CYB5R1: variants seen among roughly 807,000 people sequenced by gnomAD.
CYB5R1 encodes cytochrome b5 reductase 1, also known as NADH-cytochrome b5 reductase 1.
CYB5R1 carries 32 observed loss-of-function variants against 37.4 expected under a neutral mutation model. That is an observed-to-expected ratio of 0.86 (90% CI 0.65 to 1.15). The LOEUF (loss-of-function observed/expected upper bound fraction) is 1.15. Ranked by LOEUF, CYB5R1 falls within the 50% of genes most tolerant of loss-of-function variation. CYB5R1 has a pLI of 0.00. For synonymous variants in CYB5R1, 159 were observed against 155.2 expected, an observed-to-expected ratio of 1.02 and a Z score of -0.18; for missense variants, 345 against 382.5, an observed-to-expected ratio of 0.90 and a Z score of 0.82.
At chr1:202,965,633 C>CAT in intron 4 of CYB5R1, 133 bp from the exon 5 acceptor site, 1 of 805,632 alleles carries the variant, frequency 1.2e-6, no homozygotes, top group African/African-American at 2.1e-5. Flanking sequence ...TACTTTCTTT[C>CAT]TTTCTTTTTT....
Position 202,967,028 on chromosome 1 carries a change from G to A in CYB5R1, c.16-130C>T. ...GCCAAGGGCAGAGGGGTAACCTGGC[G>A]GAGTCCCGAGCCCGGATGTGCGGGA... is the stretch of plus-strand genomic sequence containing the variant. On this transcript the variant is annotated intron_variant, in intron 1 of 8. Coordinates refer to ENST00000367249, the MANE Select transcript of CYB5R1 (RefSeq NM_016243.3). The A allele has an allele frequency of 7.0e-6, 10 of 1,427,874 alleles. No individual in the cohort carries two copies. The Middle Eastern group carries it at 9.9e-4, about 141-fold the overall frequency. The allele number at this position is 1,427,874 out of a possible 1,614,324, so 88.5% of individuals were successfully genotyped here.
rs1381205594 is a variant in CYB5R1, at chr1:202,965,366, A to T, written c.475+5T>A. The T allele has an allele frequency of 6.3e-7, 1 of 1,578,270 alleles. No homozygotes were observed. The highest frequency in any genetic ancestry group is 2.3e-5 in the East Asian group (1 of 43,780). ...GACAGGCTCAAGGAGAAGACAGGTC[A>T]TTACCTTTTCCAGTGTAAGTGAGCA... On this transcript the variant is annotated splice_donor_5th_base_variant and intron_variant, in intron 5 of 8. Coordinates refer to ENST00000367249, the MANE Select transcript of CYB5R1 (RefSeq NM_016243.3).
intron 4 of CYB5R1, 76 bp from the exon 5 acceptor site, chr1:202,965,576 G>A: frequency 6.9e-7 from 1 of 1,443,268 alleles, no homozygotes; most frequent in South Asian, 1.4e-5. Context: ...AAACCTCCCT[G>A]AGGCTGGGGC....
chr1:202,965,553 C>A (rs1432340576), intron 4 of CYB5R1, 53 bp from the exon 5 acceptor site: 8 of 1,537,088 alleles, frequency 5.2e-6, no homozygotes, highest in Non-Finnish European at 6.1e-6. Context: ...GGTTTCTGAG[C>A]CCCATGTTGA....
chr1:202,967,213 C>G lies in CYB5R1; in HGVS notation c.-8G>C, dbSNP rs754935900. The G allele has an allele frequency of 1.2e-6, 2 of 1,609,626 alleles. No individual in the cohort carries two copies. The highest frequency in any genetic ancestry group is 1.7e-6 in the Non-Finnish European group (2 of 1,178,102). ...TACCGTCTGGATCCCCATGACGGAGCGCCTTTTCCTCCACCACCTGACAAG... is the reference window on the plus strand; with the variant it reads ...TACCGTCTGGATCCCCATGACGGAGGGCCTTTTCCTCCACCACCTGACAAG... On this transcript the variant is annotated 5_prime_UTR_variant, in exon 1 of 9. Coordinates refer to ENST00000367249, the MANE Select transcript of CYB5R1 (RefSeq NM_016243.3).
At position 202,963,737 on chromosome 1, in the gene CYB5R1, G is replaced by A. The variant is rs1655038214; in HGVS notation, c.560-10C>T. 6.3e-7 allele frequency: 1 copy of A among 1,594,772 alleles called. No homozygotes were observed. Among genetic ancestry groups the A allele is most frequent in the Non-Finnish European group, 8.6e-7 (1 of 1,167,982 alleles). On this transcript the variant is annotated splice_polypyrimidine_tract_variant and intron_variant, in intron 6 of 8. Transcript: ENST00000367249. ...AGCATTGGGGTGATTCCTGCATGAA[G>A]ATACCCCACAGTGAAATGTAGTGGC...
chr1:202,966,668 A>G (rs189896489), intron 2 of CYB5R1, 68 bp from the exon 3 acceptor site: 1 of 1,613,490 alleles, frequency 6.2e-7, no homozygotes. Context: ...TGGACATCCC[A>G]ACCACCGTGG....
rs879136097 is a variant in CYB5R1 at position 202,966,464 on chromosome 1, T to A, written c.238+64A>T. On this transcript the variant is annotated intron_variant, in intron 3 of 8. Coordinates refer to ENST00000367249, the MANE Select transcript of CYB5R1 (RefSeq NM_016243.3). ...GGTTGAAGCAGCGTGTTTCATGAGATCCCAGGAGGGGAGTCACCTTCTGAG... is the reference window on the plus strand; with the variant it reads ...GGTTGAAGCAGCGTGTTTCATGAGAACCCAGGAGGGGAGTCACCTTCTGAG... The A allele has an allele frequency of 9.6e-6, 15 of 1,560,702 alleles. No homozygotes were observed. In the South Asian group the frequency reaches 1.6e-4, roughly 16 times the overall value.
Position 202,967,087 on chromosome 1 carries a change from C to T in CYB5R1, c.15+104G>A, listed in dbSNP as rs533730101. 2.2e-4 allele frequency: 333 copies of T among 1,492,964 alleles called. 1 individual carries two copies. The South Asian group carries it at 3.7e-3, about 17-fold the overall frequency. The allele number at this position is 1,492,964 out of a possible 1,614,324, so 92.5% of individuals were successfully genotyped here. The stretch of plus-strand genomic sequence containing the variant: ...CCAGCATCCACGGTGGGCCCAGAGC[C>T]CTGCGGGGCGGGGTCGGCAGCGACA... On this transcript the variant is annotated intron_variant, in intron 1 of 8. Coordinates refer to ENST00000367249, the MANE Select transcript of CYB5R1 (RefSeq NM_016243.3).
At position 202,967,210 on chromosome 1, in the gene CYB5R1, G is replaced by C. The variant is rs1360184360; in HGVS notation, c.-5C>G. On this transcript the variant is annotated 5_prime_UTR_variant, in exon 1 of 9. Coordinates refer to ENST00000367249, the MANE Select transcript of CYB5R1 (RefSeq NM_016243.3). ...TCTTACCGTCTGGATCCCCATGACG[G>C]AGCGCCTTTTCCTCCACCACCTGAC... 6.2e-7 allele frequency: 1 copy of C among 1,610,998 alleles called. No homozygotes were observed. Among genetic ancestry groups the C allele is most frequent in the African/African-American group, 1.3e-5 (1 of 74,672 alleles).
In CYB5R1 at chr1:202,963,185, G is replaced by A; in HGVS notation, c.646-20C>T. On this transcript the variant is annotated intron_variant, in intron 7 of 8. Transcript: ENST00000367249. ...TTCTGTCTGAAATGCAAAGGGGAAG[G>A]AAAGTCTTTAGGAGTCTTCTCAGGC... 1.3e-6 allele frequency: 2 copies of A among 1,594,390 alleles called. No homozygotes were observed. The highest frequency in any genetic ancestry group is 2.2e-5 in the East Asian group (1 of 44,746).
chr1:202,962,541 G>C lies in CYB5R1; in HGVS notation c.904C>G (p.Arg302Gly). The change falls in exon 9 of 9, where the codon CGA (arginine) becomes GGA (glycine). Residue 302 changes from arginine (R) to glycine (G), a missense_variant. Arg to Gly is a moderately radical substitution (Grantham distance 125). Coordinates refer to ENST00000367249, the MANE Select transcript of CYB5R1 (RefSeq NM_016243.3). ...CTGGAGGATGCTCAGTAGGTGAATC[G>C]CATCTTTTGTGAGTAGCCCAGTTTG... ...LDKLGYSQKMRFTY is the reference protein window; with the variant it reads ...LDKLGYSQKMGFTY 1.9e-6 allele frequency: 3 copies of C among 1,609,570 alleles called. No homozygotes were observed. The highest frequency in any genetic ancestry group is 2.2e-5 in the East Asian group (1 of 44,812).
At chr1:202,964,319 CCTAG>C (rs1655044985) in intron 6 of CYB5R1, 1 of 451,720 alleles carries the variant, frequency 2.2e-6, no homozygotes, top group Non-Finnish European at 4.0e-6. Flanking sequence ...TTTCTTTCTT[CCTAG>C]CTAGTCATTC....
intron 1 of CYB5R1, 56 bp from the exon 2 acceptor site, chr1:202,966,954 G>C: frequency 6.5e-7 from 1 of 1,535,600 alleles, no homozygotes. Flanking sequence ...CGGGGCTTGG[G>C]TGGTGACCGT....
rs1374102540 is a variant in CYB5R1 at position 202,963,064 on chromosome 1, A to G, written c.745+2T>C. ...TGGGATGTCCAGAAATGGGAAGGATACCTTTTGGGGGATGATCCAGAGTGA... is the reference window on the plus strand; with the variant it reads ...TGGGATGTCCAGAAATGGGAAGGATGCCTTTTGGGGGATGATCCAGAGTGA... On this transcript the variant is annotated splice_donor_variant, in intron 8 of 8. Coordinates refer to ENST00000367249, the MANE Select transcript of CYB5R1 (RefSeq NM_016243.3). LOFTEE classifies it high-confidence loss of function. 3.1e-6 allele frequency: 5 copies of G among 1,612,920 alleles called. No homozygotes were observed. Among genetic ancestry groups the G allele is most frequent in the Admixed American group, 1.7e-5 (1 of 60,002 alleles).
Position 202,962,711 on chromosome 1 carries a change from G to A in CYB5R1, c.746-12C>T, listed in dbSNP as rs2232854. On this transcript the variant is annotated splice_polypyrimidine_tract_variant and intron_variant, in intron 8 of 8. Transcript: ENST00000367249. ...GCTGTAGGCCCAATCTGAAGTATGG[G>A]GAGAAGAAAGTACTTAATACTCCAG... 555,794 of 1,612,998 alleles carry A rather than the reference G, an allele frequency of 0.34. 98,227 individuals carry two copies. Among genetic ancestry groups the A allele is most frequent in the East Asian group, 0.45 (20,062 of 44,850 alleles).
At chr1:202,966,178 A>T in intron 3 of CYB5R1, 185 bp from the exon 4 acceptor site, 1 of 603,392 alleles carries the variant, frequency 1.7e-6, no homozygotes, top group South Asian at 2.0e-5. Flanking sequence ...CAGTTGAGGA[A>T]ACACTTATTT....
Position 202,965,915 on chromosome 1 carries a change from T to A in CYB5R1, c.317A>T (p.Asp106Val), listed in dbSNP as rs1279527196. Residue 106 changes from aspartate (D) to valine (V), a missense_variant, in exon 4 of 9, where the codon GAT becomes GTT. Transcript: ENST00000367249. Reference sequence around the variant, plus strand: ...GATGACAAGATCCACATAGCCTTGATCCTCATCACTGGTGACAGGAGTGTA... The same window carrying A: ...GATGACAAGATCCACATAGCCTTGAACCTCATCACTGGTGACAGGAGTGTA... ...RPYTPVTSDE[D>V]QGYVDLVIKV... 14 of 1,613,688 alleles carry A rather than the reference T, an allele frequency of 8.7e-6. 1 individual carries two copies. In the South Asian group the frequency reaches 1.5e-4, roughly 18 times the overall value.
Position 202,964,594 on chromosome 1 carries a change from G to A in CYB5R1, c.559+18C>T, listed in dbSNP as rs1234241945. 6.3e-7 allele frequency: 1 copy of A among 1,583,682 alleles called. No individual in the cohort carries two copies. The highest frequency in any genetic ancestry group is 2.2e-5 in the East Asian group (1 of 44,758). Reference sequence around the variant, plus strand: ...CAGTCAACAATGGTGGGAGAGAAAGGCCCTCAGTGTAATGCACCTGTCCCG... The same window carrying A: ...CAGTCAACAATGGTGGGAGAGAAAGACCCTCAGTGTAATGCACCTGTCCCG... On this transcript the variant is annotated intron_variant, in intron 6 of 8. Coordinates refer to ENST00000367249, the MANE Select transcript of CYB5R1 (RefSeq NM_016243.3).
Sources: gnomAD v4.1 joint callset for allele counts on GRCh38, gnomAD v4.1.1 for gene constraint, MANE v1.5 for transcripts, NCBI Gene and HGNC (gene_info 2026-07-23, HGNC 2026-07-21) for gene names.